MCU: variants seen among roughly 807,000 people sequenced by gnomAD.
MCU encodes calcium uniporter protein, mitochondrial.
Under a neutral mutation model 45.2 loss-of-function variants are expected in MCU, and 12 were observed. That is an observed-to-expected ratio of 0.27 (90% CI 0.17 to 0.43). The LOEUF is 0.43. Among genes scored for constraint, MCU ranks in the 20% least tolerant of loss-of-function variants. MCU has a pLI of 1.00. For missense variants in MCU, 324 were observed against 436.7 expected, an observed-to-expected ratio of 0.74 and a Z score of 2.30; for synonymous variants, 160 against 165.1, an observed-to-expected ratio of 0.97 and a Z score of 0.24.
intron 1 of MCU, among the ~76,000 whole-genome samples, chr10:72,832,212 G>A (rs1482879297): frequency 6.6e-6 from 1 of 152,064 alleles, no homozygotes; most frequent in Non-Finnish European, 1.5e-5. Context: ...GTGATTACCG[G>A]CGTGAACTAC....
At chr10:72,734,442 A>G (rs1328260303) in intron 1 of MCU, among the ~76,000 whole-genome samples, 1 of 152,194 alleles carries the variant, frequency 6.6e-6, no homozygotes. Flanking sequence ...AATTAATTTT[A>G]TCTTTTTCTT....
intron 1 of MCU, among the ~76,000 whole-genome samples, chr10:72,711,520 CTT>C (rs748329420): frequency 2.2e-5 from 3 of 134,114 alleles, no homozygotes; most frequent in Non-Finnish European, 1.6e-5. Context: ...TACGCCTGGC[CTT>C]TTTTTTTTTT....
At chr10:72,872,131 T>C (rs1395607952) in intron 6 of MCU, among the ~76,000 whole-genome samples, 1 of 152,178 alleles carries the variant, frequency 6.6e-6, no homozygotes, top group African/African-American at 2.4e-5. Flanking sequence ...TCAAGTCTAT[T>C]CTTTTTTTAT....
chr10:72,705,316 G>A (rs982930887), intron 1 of MCU, among the ~76,000 whole-genome samples: 3 of 152,028 alleles, frequency 2.0e-5, no homozygotes, highest in African/African-American at 7.2e-5. Flanking sequence ...TTATTTTCTT[G>A]TGCCTGCTTC....
chr10:72,877,289 G>A (rs1462672813), intron 6 of MCU, among the ~76,000 whole-genome samples: 1 of 152,074 alleles, frequency 6.6e-6, no homozygotes, highest in East Asian at 1.9e-4. Flanking sequence ...CCCGAAAGAG[G>A]AAGCACAGAA....
At chr10:72,812,397 C>T (rs561426287) in intron 1 of MCU, among the ~76,000 whole-genome samples, 17 of 152,302 alleles carry the variant, frequency 1.1e-4, no homozygotes, top group South Asian at 4.1e-4. Context: ...CCGCCCGCCT[C>T]GGCTTCCCAA....
intron 1 of MCU, among the ~76,000 whole-genome samples, chr10:72,784,619 G>A (rs1249268633): frequency 1.3e-5 from 2 of 152,166 alleles, no homozygotes; most frequent in East Asian, 3.9e-4. Flanking sequence ...TGTGTATCCA[G>A]TAGCTTCTGA....
At chr10:72,846,444 G>A (rs994438888) in intron 2 of MCU, among the ~76,000 whole-genome samples, 3 of 152,120 alleles carry the variant, frequency 2.0e-5, no homozygotes, top group East Asian at 1.9e-4. Flanking sequence ...CCTTTGTTCC[G>A]CATATCCATG....
At chr10:72,831,900 G>C (rs895892993) in intron 1 of MCU, among the ~76,000 whole-genome samples, 3 of 152,268 alleles carry the variant, frequency 2.0e-5, no homozygotes, top group East Asian at 3.9e-4. Context: ...AGAGTGGTAA[G>C]CGATGAAGTC....
chr10:72,766,099 C>T (rs1226736046), intron 1 of MCU, among the ~76,000 whole-genome samples: 1 of 152,138 alleles, frequency 6.6e-6, no homozygotes, highest in Non-Finnish European at 1.5e-5. Flanking sequence ...AACACCTGGC[C>T]TCAAGCAGTC....
At chr10:72,723,341 C>G (rs1843050416) in intron 1 of MCU, among the ~76,000 whole-genome samples, 1 of 151,656 alleles carries the variant, frequency 6.6e-6, no homozygotes. Context: ...CTTATTTTTT[C>G]TAACATATTC....
Position 72,805,155 on chromosome 10 carries a change from C to CTTTCTTTCTTTCTTTCTT in MCU, c.151-29199_151-29198insTTCTTTCTTTCTTTTTCT, listed in dbSNP as rs1359050918. Among the ~76,000 whole-genome samples the CTTTCTTTCTTTCTTTCTT allele has an allele frequency of 9.9e-3, 1,376 of 138,836 alleles. 25 individuals carry two copies. The highest frequency in any genetic ancestry group is 0.043 in the East Asian group (201 of 4,644). 91.1% of individuals were successfully genotyped at this position (138,836 alleles called of 152,430 possible). A position where few individuals can be genotyped will look rare whatever the true frequency, so the allele number is the denominator to read the frequency against. ...TCTTTCTTTCTTTCTTTCTTTCTTT[C>CTTTCTTTCTTTCTTTCTT]TTTCTGTCTCTCTCTCTCTCTCTTT... On this transcript the variant is annotated intron_variant, in intron 1 of 7. Coordinates refer to ENST00000373053, the MANE Select transcript of MCU (RefSeq NM_138357.3).
intron 1 of MCU, among the ~76,000 whole-genome samples, chr10:72,787,505 G>GTAATCTGCC (rs1297886362): frequency 4.6e-5 from 7 of 152,048 alleles, no homozygotes; most frequent in Admixed American, 4.6e-4. Context: ...CTGACCTCAG[G>GTAATCTGCC]TAATCTGCCC....
chr10:72,794,030 T>C lies in MCU; in HGVS notation c.151-40329T>C, dbSNP rs535841827. 5.9e-5 allele frequency among the ~76,000 whole-genome samples: 9 copies of C among 152,316 alleles called. No individual in the cohort carries two copies. In the South Asian group the frequency reaches 1.5e-3, roughly 25 times the overall value. On this transcript the variant is annotated intron_variant, in intron 1 of 7. Transcript: ENST00000373053. ...CTATCAGTGCTCCCAATTTACATTC[T>C]ATTACAGTATCAACTCTAAGTCTAG...
chr10:72,703,144 G>A (rs998393833), intron 1 of MCU, among the ~76,000 whole-genome samples: 1 of 152,196 alleles, frequency 6.6e-6, no homozygotes, highest in Non-Finnish European at 1.5e-5. Context: ...CGCAAGAATA[G>A]CTGGAGATTA....
Position 72,771,792 on chromosome 10 carries a change from G to A in MCU, c.151-62567G>A, listed in dbSNP as rs148736346. On this transcript the variant is annotated intron_variant, in intron 1 of 7. Coordinates refer to ENST00000373053, the MANE Select transcript of MCU (RefSeq NM_138357.3). The stretch of plus-strand genomic sequence containing the variant: ...TAGGTTTTAAGCCTTGCATTCATTA[G>A]CTATTTGTCCTAATGCTCTCCCTCC... Among the ~76,000 whole-genome samples the A allele has an allele frequency of 3.9e-3, 596 of 152,036 alleles. 4 individuals are homozygous for A. The highest frequency in any genetic ancestry group is 0.013 in the African/African-American group (554 of 41,458).
intron 1 of MCU, chr10:72,766,919 A>G (rs1212677445): frequency 6.6e-6 from 1 of 152,110 alleles, no homozygotes; most frequent in Non-Finnish European, 1.5e-5. Flanking sequence ...TCTAGCTTTG[A>G]TTTTGTATCT....
chr10:72,714,619 A>G (rs965817507), intron 1 of MCU, among the ~76,000 whole-genome samples: 5 of 151,786 alleles, frequency 3.3e-5, no homozygotes, highest in African/African-American at 1.2e-4. Context: ...ATCTCAGCTC[A>G]CCGCAAACTC....
chr10:72,714,597 T>A (rs1373227986), intron 1 of MCU, among the ~76,000 whole-genome samples: 1 of 151,968 alleles, frequency 6.6e-6, no homozygotes, highest in Non-Finnish European at 1.5e-5. Flanking sequence ...CAGGCTAGAG[T>A]GCAATGGCAT....
Sources: allele counts gnomAD v4.1 joint callset (sites outside exome capture counted in the v4.1 genomes callset), GRCh38; gene constraint gnomAD v4.1.1; transcripts MANE v1.5; gene names NCBI Gene and HGNC (gene_info 2026-07-23, HGNC 2026-07-21).